Variants in TENM3 observed in about 807,000 individuals in gnomAD.
The protein encoded by TENM3 is teneurin transmembrane protein 3.
Under a neutral mutation model 255.1 loss-of-function variants are expected in TENM3, and 63 were observed. That is an observed-to-expected ratio of 0.25 (90% CI 0.20 to 0.30). The LOEUF (loss-of-function observed/expected upper bound fraction) is 0.30. Ranked by LOEUF, TENM3 falls within the 10% of genes least tolerant of loss-of-function variation. The pLI is 1.00. For missense variants in TENM3, 2,929 were observed against 3,461.1 expected (o/e 0.85, Z 3.86); for synonymous variants, 1,306 against 1,322.3 (o/e 0.99, Z 0.27).
chr4:182,461,764 G>C (rs1220412120), intron 3 of TENM3, among the ~76,000 whole-genome samples: 2 of 152,154 alleles, frequency 1.3e-5, no homozygotes, highest in Non-Finnish European at 2.9e-5. Context: ...TCAGAGCCTA[G>C]AACAGTGCCT....
intron 24 of TENM3, among the ~76,000 whole-genome samples, chr4:182,786,847 G>C (rs1269463382): frequency 2.0e-5 from 3 of 151,920 alleles, no homozygotes; most frequent in African/African-American, 7.2e-5. Flanking sequence ...ATCTAAGGAA[G>C]AAAAAAAGGG....
At chr4:182,110,673 G>A in the TENM3 span, among the ~76,000 whole-genome samples, 3 of 152,126 alleles carry the variant, frequency 2.0e-5, no homozygotes, top group African/African-American at 7.2e-5. Context: ...TTAAGGAATG[G>A]GGTTGTCAAT....
chr4:182,723,596 G>A (rs1759919366), intron 13 of TENM3, among the ~76,000 whole-genome samples: 3 of 152,164 alleles, frequency 2.0e-5, no homozygotes, highest in Admixed American at 2.0e-4. Flanking sequence ...CATAAAGCCA[G>A]CATAGAAGGT....
chr4:181,605,584 G>GAAAGAAAGATAGAAAGAAA, the TENM3 span, among the ~76,000 whole-genome samples: 3 of 69,142 alleles, frequency 4.3e-5, no homozygotes, highest in Non-Finnish European at 9.0e-5. Flanking sequence ...GAGAAAGAAA[G>GAAAGAAAGATAGAAAGAAA]GAAAGAAAGA....
intron 3 of TENM3, among the ~76,000 whole-genome samples, chr4:182,354,280 C>T (rs1043020033): frequency 4.6e-5 from 7 of 152,168 alleles, no homozygotes; most frequent in Non-Finnish European, 7.3e-5. Context: ...TAAAGTGAAG[C>T]ATGCTATGAA....
chr4:182,500,135 A>G (rs942056038), intron 3 of TENM3, among the ~76,000 whole-genome samples: 1 of 152,228 alleles, frequency 6.6e-6, no homozygotes, highest in Non-Finnish European at 1.5e-5. Context: ...ATACTCAAGT[A>G]GCTAAGGCAT....
At chr4:181,799,882 A>G in the TENM3 span, among the ~76,000 whole-genome samples, 3 of 152,308 alleles carry the variant, frequency 2.0e-5, no homozygotes, top group Admixed American at 6.5e-5. Context: ...CAGCCTGTCT[A>G]TTAGGAAGTG....
chr4:182,222,945 G>C (rs1755931807), intron 1 of TENM3, among the ~76,000 whole-genome samples: 1 of 152,128 alleles, frequency 6.6e-6, no homozygotes, highest in Non-Finnish European at 1.5e-5. Context: ...CCATCCTTTG[G>C]AGAGAGTCAA....
intron 1 of TENM3, among the ~76,000 whole-genome samples, chr4:182,220,945 C>T (rs1352093514): frequency 1.3e-5 from 2 of 152,196 alleles, no homozygotes; most frequent in African/African-American, 4.8e-5. Context: ...GCATACGAAA[C>T]TAAGATATCT....
chr4:181,849,949 T>TCTCACACACACACACACACACACACACA, the TENM3 span, among the ~76,000 whole-genome samples: 36 of 65,938 alleles, frequency 5.5e-4, no homozygotes, highest in Admixed American at 9.6e-4. Flanking sequence ...TCTCTCTCTC[T>TCTCACACACACACACACACACACACACA]CACACACACA....
At chr4:182,110,579 G>A in the TENM3 span, among the ~76,000 whole-genome samples, 1 of 152,158 alleles carries the variant, frequency 6.6e-6, no homozygotes, top group East Asian at 1.9e-4. Context: ...ACCTGCCTTG[G>A]CCTCCCAAAG....
At chr4:181,954,605 T>C in the TENM3 span, among the ~76,000 whole-genome samples, 1 of 152,192 alleles carries the variant, frequency 6.6e-6, no homozygotes, top group African/African-American at 2.4e-5. Flanking sequence ...TCTTTTTTAT[T>C]ATTTGTCTTT....
intron 3 of TENM3, among the ~76,000 whole-genome samples, chr4:182,478,624 A>T (rs1427162164): frequency 6.6e-6 from 1 of 152,038 alleles, no homozygotes; most frequent in Non-Finnish European, 1.5e-5. Flanking sequence ...AAAAAAATTT[A>T]TATGTTAATA....
the TENM3 span, among the ~76,000 whole-genome samples, chr4:181,951,792 C>T: frequency 9.2e-5 from 14 of 152,218 alleles, no homozygotes; most frequent in African/African-American, 1.7e-4. Flanking sequence ...AGCAAACAAA[C>T]GAGAGAGAAC....
intron 19 of TENM3, among the ~76,000 whole-genome samples, chr4:182,747,620 C>T (rs911905256): frequency 2.0e-5 from 3 of 152,102 alleles, no homozygotes; most frequent in East Asian, 1.9e-4. Flanking sequence ...TTAAAAATTA[C>T]ATTAATTAAC....
At chr4:182,218,252 TCA>T (rs1229902645) in intron 1 of TENM3, among the ~76,000 whole-genome samples, 1 of 152,168 alleles carries the variant, frequency 6.6e-6, no homozygotes, top group Non-Finnish European at 1.5e-5. Flanking sequence ...CTTGAGAGCC[TCA>T]CATCATGGTG....
chr4:181,914,975 T>C, the TENM3 span, among the ~76,000 whole-genome samples: 2 of 152,150 alleles, frequency 1.3e-5, no homozygotes, highest in Non-Finnish European at 1.5e-5. Flanking sequence ...CCAGGCCAAA[T>C]TGAAGGGTTT....
chr4:182,661,703 G>A (rs557726509), intron 6 of TENM3, among the ~76,000 whole-genome samples: 28 of 152,276 alleles, frequency 1.8e-4, no homozygotes, highest in African/African-American at 5.5e-4. Context: ...ATGAATCCAA[G>A]GTTAGGTCAT....
At chr4:182,446,547 G>T (rs1218511765) in intron 3 of TENM3, among the ~76,000 whole-genome samples, 2 of 151,830 alleles carry the variant, frequency 1.3e-5, no homozygotes, top group African/African-American at 4.8e-5. Flanking sequence ...TCTAGTCCAA[G>T]TCCAGATTTG....
Sources: gnomAD v4.1 joint callset for allele counts (sites outside exome capture counted in the v4.1 genomes callset) on GRCh38, gnomAD v4.1.1 for gene constraint, MANE v1.5 for transcripts, NCBI Gene and HGNC (gene_info 2026-07-23, HGNC 2026-07-21) for gene names.